The following H6PD variants were observed in gnomAD, a reference collection of about 807,000 sequenced individuals.
H6PD encodes hexose-6-phosphate dehydrogenase/glucose 1-dehydrogenase.
H6PD carries 48 observed loss-of-function variants against 61.2 expected under a neutral mutation model. The observed-to-expected ratio is 0.78, with a 90% CI of 0.62 to 1.00. The LOEUF (loss-of-function observed/expected upper bound fraction) is 1.00, where lower values mean the gene tolerates loss of function less well. H6PD is among the 50% of genes least tolerant of loss of function. H6PD has a pLI of 0.00. For synonymous variants in H6PD, 480 were observed against 457.9 expected, an observed-to-expected ratio of 1.05 and a Z score of -0.62; for missense variants, 1,093 against 1,065.0, an observed-to-expected ratio of 1.03 and a Z score of -0.37.
Position 9,262,602 on chromosome 1 carries a change from C to T in H6PD, c.1015+274C>T, listed in dbSNP as rs138270567. On this transcript the variant is annotated intron_variant, in intron 4 of 4. Coordinates refer to ENST00000377403, the MANE Select transcript of H6PD (RefSeq NM_004285.4). ...TCCCAGATGCTTCCCAAGGGTTTGT[C>T]GTGCGAGGCTCAGACAGACCTGGTT... Among the ~76,000 whole-genome samples the T allele has an allele frequency of 5.2e-3, 788 of 152,318 alleles. 5 individuals carry two copies. Among genetic ancestry groups the T allele is most frequent in the Non-Finnish European group, 5.7e-3 (390 of 68,024 alleles).
chr1:9,241,914 A>G (rs1392297927), intron 1 of H6PD, among the ~76,000 whole-genome samples: 2 of 152,170 alleles, frequency 1.3e-5, no homozygotes, highest in African/African-American at 4.8e-5. Context: ...GACTGTTGTG[A>G]GGAATGATTG....
intron 1 of H6PD, among the ~76,000 whole-genome samples, chr1:9,238,161 G>C (rs1013537543): frequency 1.3e-5 from 2 of 152,120 alleles, no homozygotes; most frequent in African/African-American, 4.8e-5. Context: ...AGTAAACCAC[G>C]TGGACCTGGT....
intron 1 of H6PD, among the ~76,000 whole-genome samples, chr1:9,241,093 A>G (rs1012505685): frequency 1.4e-4 from 21 of 152,188 alleles, no homozygotes; most frequent in African/African-American, 5.1e-4. Flanking sequence ...TGCTGTCTGC[A>G]GGGCCTGGCT....
chr1:9,257,623 G>C (rs1439790376), intron 3 of H6PD, among the ~76,000 whole-genome samples: 1 of 152,182 alleles, frequency 6.6e-6, no homozygotes, highest in Non-Finnish European at 1.5e-5. Context: ...CTCAGATGGA[G>C]CCTCCCTCGT....
At chr1:9,251,745 A>G (rs899887109) in intron 3 of H6PD, among the ~76,000 whole-genome samples, 1 of 152,154 alleles carries the variant, frequency 6.6e-6, no homozygotes, top group African/African-American at 2.4e-5. Flanking sequence ...AGGTGAGCCC[A>G]GGGCAGCTGC....
Position 9,265,194 on chromosome 1 carries a change from A to G in H6PD, c.*325A>G, listed in dbSNP as rs1314906408. The G allele has an allele frequency of 1.1e-5, 5 of 436,648 alleles. No individual in the cohort carries two copies. The highest frequency in any genetic ancestry group is 1.7e-5 in the Non-Finnish European group (4 of 233,346). 27.0% of individuals were successfully genotyped at this position (436,648 alleles called of 1,614,324 possible). A position where few individuals can be genotyped will look rare whatever the true frequency, so the allele number is the denominator to read the frequency against. ...CCAGCACAACACGGGATGGCGCCCA[A>G]ACTCCGGCGTTCACAAGAGGAGACG... On this transcript the variant is annotated 3_prime_UTR_variant, in exon 5 of 5. Transcript: ENST00000377403.
At chr1:9,261,801 A>T (rs897246596) in intron 3 of H6PD, among the ~76,000 whole-genome samples, 1 of 152,164 alleles carries the variant, frequency 6.6e-6, no homozygotes, top group African/African-American at 2.4e-5. Context: ...AGCTTTCTTC[A>T]TGTGGATTTC....
chr1:9,268,666 T>C lies in H6PD; in HGVS notation c.*3797T>C, dbSNP rs1056527886. On this transcript the variant is annotated 3_prime_UTR_variant, in exon 5 of 5. Transcript: ENST00000377403. ...TCCCTGTTTGTTTCTCTGCAGACAATGCTTTAGCCCTACTCTTGGGCCCCC... is the reference window on the plus strand; with the variant it reads ...TCCCTGTTTGTTTCTCTGCAGACAACGCTTTAGCCCTACTCTTGGGCCCCC... 1 of 152,246 alleles carries C rather than the reference T, an allele frequency of 6.6e-6. No individual in the cohort carries two copies. Among genetic ancestry groups the C allele is most frequent in the African/African-American group, 2.4e-5 (1 of 41,462 alleles). The allele number at this position is 152,246 out of a possible 1,614,324, so 9.4% of individuals were successfully genotyped here.
chr1:9,244,769 T>G (rs1641108584), intron 1 of H6PD, among the ~76,000 whole-genome samples, 156 bp from the exon 2 acceptor site: 1 of 152,232 alleles, frequency 6.6e-6, no homozygotes, highest in Admixed American at 6.5e-5. Context: ...GAAGCCAAGC[T>G]GTCAGGAGGG....
At chr1:9,263,403 C>T (rs1235611236) in intron 4 of H6PD, 106 bp from the exon 5 acceptor site, 2 of 953,454 alleles carry the variant, frequency 2.1e-6, no homozygotes, top group Non-Finnish European at 3.2e-6. Flanking sequence ...GAGGGGCTTC[C>T]CTGAGGCAGG....
At chr1:9,246,814 G>C in intron 2 of H6PD, 152 bp from the exon 3 acceptor site, 1 of 728,600 alleles carries the variant, frequency 1.4e-6, no homozygotes, top group East Asian at 2.6e-5. Flanking sequence ...ACCTTTACTG[G>C]CCTGTGAGAT....
intron 1 of H6PD, among the ~76,000 whole-genome samples, chr1:9,244,492 T>C (rs1641099471): frequency 6.6e-6 from 1 of 152,194 alleles, no homozygotes; most frequent in African/African-American, 2.4e-5. Context: ...GCCCTCTCAC[T>C]GTTCCAACTG....
chr1:9,263,195 TGGGGC>T (rs1638394157), intron 4 of H6PD, among the ~76,000 whole-genome samples: 2 of 152,250 alleles, frequency 1.3e-5, no homozygotes, highest in East Asian at 3.9e-4. Context: ...GCCCCCACTG[TGGGGC>T]GTCCTTTAGA....
intron 3 of H6PD, among the ~76,000 whole-genome samples, chr1:9,247,731 G>T (rs1242067164): frequency 2.6e-5 from 4 of 152,176 alleles, no homozygotes; most frequent in Non-Finnish European, 5.9e-5. Context: ...GGAGGCGGGG[G>T]CCCTGCGTCA....
intron 3 of H6PD, among the ~76,000 whole-genome samples, chr1:9,251,633 A>G (rs151194450): frequency 8.5e-5 from 13 of 152,118 alleles, no homozygotes; most frequent in Non-Finnish European, 1.9e-4. Flanking sequence ...TTCCAGGCAC[A>G]CACCAGCTGT....
In H6PD at chr1:9,247,101, C is replaced by T. The variant is rs763484623; in HGVS notation, c.745+18C>T. 42 of 1,469,076 alleles carry T rather than the reference C, an allele frequency of 2.9e-5. No homozygotes were observed. Among genetic ancestry groups the T allele is most frequent in the East Asian group, 4.5e-5 (2 of 44,072 alleles). 91.0% of individuals were successfully genotyped at this position (1,469,076 alleles called of 1,614,324 possible). On this transcript the variant is annotated intron_variant, in intron 3 of 4. Transcript: ENST00000377403. ...TGCTGAAGGTGTGTGAGTGGCCCTGCGCACTCGGTCCCCCAGCCTCTGCCT... is the reference window on the plus strand; with the variant it reads ...TGCTGAAGGTGTGTGAGTGGCCCTGTGCACTCGGTCCCCCAGCCTCTGCCT...
rs750142418 is a variant in H6PD, at chr1:9,263,597, C to T, written c.1104C>T (p.Tyr368=). ...SGKALDERVG[Y]ARILFKNQAC... ...AAGCCTTGGACGAGAGAGTGGGCTA[C>T]GCTCGGATCTTGTTCAAGAACCAGG... Residue 368 remains tyrosine (Y), a synonymous_variant, in exon 5 of 5, where the codon TAC becomes TAT. Coordinates refer to ENST00000377403, the MANE Select transcript of H6PD (RefSeq NM_004285.4). 29 of 1,614,110 alleles carry T rather than the reference C, an allele frequency of 1.8e-5. No homozygotes were observed. The highest frequency in any genetic ancestry group is 1.3e-4 in the Admixed American group (8 of 60,016).
In H6PD at chr1:9,266,303, T is replaced by C. The variant is rs575856989; in HGVS notation, c.*1434T>C. ...CTTCCTGTCTGCTGGCCTCTCCTGC[T>C]ACTTATCACTTCACCACGAACTCTC... is the stretch of plus-strand genomic sequence containing the variant. On this transcript the variant is annotated 3_prime_UTR_variant, in exon 5 of 5. Transcript: ENST00000377403. 3.3e-5 allele frequency: 5 copies of C among 152,434 alleles called. No homozygotes were observed. In the South Asian group the frequency reaches 8.3e-4, roughly 25 times the overall value. The allele number at this position is 152,434 out of a possible 1,614,324, so 9.4% of individuals were successfully genotyped here. A position where few individuals can be genotyped will look rare whatever the true frequency, so the allele number is the denominator to read the frequency against.
intron 3 of H6PD, among the ~76,000 whole-genome samples, chr1:9,251,733 C>T (rs534967703): frequency 4.5e-4 from 68 of 152,308 alleles, no homozygotes; most frequent in Middle Eastern, 6.8e-3. Context: ...GAGCTGTCTG[C>T]AAGGTGAGCC....
Sources: allele counts gnomAD v4.1 joint callset (sites outside exome capture counted in the v4.1 genomes callset), GRCh38; gene constraint gnomAD v4.1.1; transcripts MANE v1.5; gene names NCBI Gene and HGNC (gene_info 2026-07-23, HGNC 2026-07-21).